KCND2: variants seen among roughly 807,000 people sequenced by gnomAD.
The protein encoded by KCND2 is potassium voltage-gated channel subfamily D member 2.
KCND2 carries 16 observed loss-of-function variants against 54.4 expected under a neutral mutation model. The observed-to-expected ratio is 0.29, with a 90% CI of 0.20 to 0.45. The LOEUF (loss-of-function observed/expected upper bound fraction) is 0.45. Among genes scored for constraint, KCND2 ranks in the 20% least tolerant of loss-of-function variants. KCND2 has a pLI of 1.00. For missense variants in KCND2, 486 were observed against 824.2 expected, an observed-to-expected ratio of 0.59 and a Z score of 5.02; for synonymous variants, 317 against 310.7, an observed-to-expected ratio of 1.02 and a Z score of -0.21.
rs140516445 is a variant in KCND2, at chr7:120,472,256, A to T, written c.1115+196509A>T. Reference sequence around the variant, plus strand: ...CAGTACATAGTACAGTTGGAATATAACCTCAGGTAAATGACATATATATGT... The same window carrying T: ...CAGTACATAGTACAGTTGGAATATATCCTCAGGTAAATGACATATATATGT... On this transcript the variant is annotated intron_variant, in intron 1 of 5. Coordinates refer to ENST00000331113, the MANE Select transcript of KCND2 (RefSeq NM_012281.3). 1.1e-4 allele frequency among the ~76,000 whole-genome samples: 16 copies of T among 151,984 alleles called. No homozygotes were observed. In the East Asian group the frequency reaches 2.4e-3, roughly 22 times the overall value.
At chr7:120,486,180 C>T (rs1802690668) in intron 1 of KCND2, among the ~76,000 whole-genome samples, 1 of 151,916 alleles carries the variant, frequency 6.6e-6, no homozygotes, top group Non-Finnish European at 1.5e-5. Flanking sequence ...ATCCTGAAGG[C>T]CCAGAAGGAT....
At chr7:120,292,800 T>C (rs1405972872) in intron 1 of KCND2, among the ~76,000 whole-genome samples, 1 of 151,938 alleles carries the variant, frequency 6.6e-6, no homozygotes, top group East Asian at 1.9e-4. Context: ...GAGAAAACTA[T>C]TATGTTCCTC....
intron 1 of KCND2, among the ~76,000 whole-genome samples, chr7:120,612,910 G>C (rs1350568033): frequency 6.6e-6 from 1 of 152,034 alleles, no homozygotes; most frequent in Non-Finnish European, 1.5e-5. Flanking sequence ...GTGATTCCCA[G>C]GCCTTGTTTC....
chr7:120,612,218 A>T (rs1470936329), intron 1 of KCND2, among the ~76,000 whole-genome samples: 1 of 152,202 alleles, frequency 6.6e-6, no homozygotes, highest in Non-Finnish European at 1.5e-5. Context: ...CTGAATTTGA[A>T]CAAGTAACAA....
chr7:120,620,520 A>G (rs1051701919), intron 1 of KCND2, among the ~76,000 whole-genome samples: 1 of 152,218 alleles, frequency 6.6e-6, no homozygotes, highest in African/African-American at 2.4e-5. Context: ...TTTCCAACCA[A>G]AATATCCTGA....
chr7:120,404,847 G>A lies in KCND2; in HGVS notation c.1115+129100G>A, dbSNP rs558760640. On this transcript the variant is annotated intron_variant, in intron 1 of 5. Transcript: ENST00000331113. ...CTTCTCTTTCACAAATATTGATGGA[G>A]CAAATAACAAATGCCCTGTATCATA... Among the ~76,000 whole-genome samples, 9 of 152,106 alleles carry A rather than the reference G, an allele frequency of 5.9e-5. No homozygotes were observed. In the South Asian group the frequency reaches 1.2e-3, roughly 21 times the overall value.
At chr7:120,709,819 A>G (rs1407819852) in intron 1 of KCND2, among the ~76,000 whole-genome samples, 1 of 152,134 alleles carries the variant, frequency 6.6e-6, no homozygotes, top group African/African-American at 2.4e-5. Flanking sequence ...ACTCTTACAT[A>G]CCATGGGTTC....
At position 120,749,878 on chromosome 7, in the gene KCND2, A is replaced by T. The variant is rs1205459086; in HGVS notation, c.*2020A>T. On this transcript the variant is annotated 3_prime_UTR_variant, in exon 6 of 6. Transcript: ENST00000331113. ...GGCATTTATTGAAAACCTTCTAAAA[A>T]GTAGACTAAGGAAACCATAATCAGA... 6.6e-6 allele frequency: 1 copy of T among 151,978 alleles called. No homozygotes were observed. The highest frequency in any genetic ancestry group is 1.9e-4 in the East Asian group (1 of 5,202). 9.4% of individuals were successfully genotyped at this position (151,978 alleles called of 1,614,324 possible).
chr7:120,428,904 C>T (rs1328497782), intron 1 of KCND2, among the ~76,000 whole-genome samples: 3 of 152,076 alleles, frequency 2.0e-5, no homozygotes, highest in African/African-American at 7.2e-5. Context: ...TTTATTTTTA[C>T]CTCTCCAATT....
chr7:120,724,834 A>C (rs1792712960), intron 1 of KCND2, among the ~76,000 whole-genome samples: 1 of 152,154 alleles, frequency 6.6e-6, no homozygotes, highest in South Asian at 2.1e-4. Flanking sequence ...ATCTATTTTC[A>C]TAACTTCTTT....
intron 1 of KCND2, among the ~76,000 whole-genome samples, chr7:120,555,448 T>C (rs1373670999): frequency 1.3e-5 from 2 of 152,310 alleles, no homozygotes; most frequent in East Asian, 3.9e-4. Flanking sequence ...GCTCCTGCAA[T>C]TGGCTCTTGC....
intron 1 of KCND2, among the ~76,000 whole-genome samples, chr7:120,420,107 T>A (rs1020729344): frequency 2.0e-5 from 3 of 152,058 alleles, no homozygotes; most frequent in African/African-American, 7.2e-5. Flanking sequence ...TTTTAAATGC[T>A]GGCAAAAGTG....
At chr7:120,605,549 A>C (rs1359632717) in intron 1 of KCND2, among the ~76,000 whole-genome samples, 1 of 152,172 alleles carries the variant, frequency 6.6e-6, no homozygotes, top group Admixed American at 6.5e-5. Context: ...ATTTTATGTG[A>C]ATATACATTT....
At chr7:120,460,126 A>G (rs949756224) in intron 1 of KCND2, among the ~76,000 whole-genome samples, 1 of 152,134 alleles carries the variant, frequency 6.6e-6, no homozygotes, top group Admixed American at 6.5e-5. Context: ...ATTCTAGGGT[A>G]CCAACTTCCT....
At position 120,650,615 on chromosome 7, in the gene KCND2, C is replaced by T. The variant is rs564944532; in HGVS notation, c.1116-82288C>T. Reference sequence around the variant, plus strand: ...CGTCTGAAGCCTTCTTCTCCCGACTCGTCAAAGTCATTCTCTGTCCAGCTT... The same window carrying T: ...CGTCTGAAGCCTTCTTCTCCCGACTTGTCAAAGTCATTCTCTGTCCAGCTT... On this transcript the variant is annotated intron_variant, in intron 1 of 5. Transcript: ENST00000331113. 2.1e-5 allele frequency among the ~76,000 whole-genome samples: 3 copies of T among 144,124 alleles called. 1 individual carries two copies. The highest frequency in any genetic ancestry group is 2.2e-4 in the South Asian group (1 of 4,622). The allele number at this position is 144,124 out of a possible 152,430, so 94.6% of individuals were successfully genotyped here. A position where few individuals can be genotyped will look rare whatever the true frequency, so the allele number is the denominator to read the frequency against.
chr7:120,655,251 C>T (rs1325067313), intron 1 of KCND2, among the ~76,000 whole-genome samples: 2 of 151,822 alleles, frequency 1.3e-5, no homozygotes, highest in Non-Finnish European at 2.9e-5. Context: ...GAGGCAGCAT[C>T]AGCTATAAAA....
intron 1 of KCND2, among the ~76,000 whole-genome samples, chr7:120,535,094 C>T (rs1286770107): frequency 1.3e-5 from 2 of 152,078 alleles, no homozygotes; most frequent in Non-Finnish European, 2.9e-5. Context: ...TAAAACCTTG[C>T]TATTATAGTA....
At chr7:120,630,144 C>A (rs1277445925) in intron 1 of KCND2, among the ~76,000 whole-genome samples, 1 of 152,098 alleles carries the variant, frequency 6.6e-6, no homozygotes, top group Non-Finnish European at 1.5e-5. Context: ...GGAATAAGGT[C>A]TCAAAAGACA....
intron 1 of KCND2, among the ~76,000 whole-genome samples, chr7:120,387,090 A>T (rs1347211779): frequency 6.6e-6 from 1 of 152,092 alleles, no homozygotes; most frequent in African/African-American, 2.4e-5. Flanking sequence ...CCCCCACTAA[A>T]ATATAAGCTC....
Sources: gnomAD v4.1 joint callset for allele counts (sites outside exome capture counted in the v4.1 genomes callset) on GRCh38, gnomAD v4.1.1 for gene constraint, MANE v1.5 for transcripts, NCBI Gene and HGNC (gene_info 2026-07-23, HGNC 2026-07-21) for gene names.